Variants in PLXNC1 observed in about 807,000 individuals in gnomAD.
The protein encoded by PLXNC1 is plexin-C1.
A neutral mutation model predicts 178.2 loss-of-function variants in PLXNC1; 75 were observed. That is an observed-to-expected ratio of 0.42 (90% CI 0.35 to 0.51). The LOEUF (loss-of-function observed/expected upper bound fraction) is 0.51, where lower values mean the gene tolerates loss of function less well. Among genes scored for constraint, PLXNC1 ranks in the 20% least tolerant of loss-of-function variants. PLXNC1 has a pLI of 0.02. For missense variants in PLXNC1, 1,503 were observed against 1,984.4 expected (o/e 0.76, Z 4.61); for synonymous variants, 790 against 779.9 (o/e 1.01, Z -0.22).
chr12:94,277,312 G>GTA (rs1454329866), intron 21 of PLXNC1: 1 of 152,864 alleles, frequency 6.5e-6, no homozygotes, highest in Non-Finnish European at 1.5e-5. Flanking sequence ...CCACCTCCAA[G>GTA]TACCATCACC....
At chr12:94,263,678 TAAAG>T (rs1290286237) in intron 20 of PLXNC1, among the ~76,000 whole-genome samples, 2 of 151,890 alleles carry the variant, frequency 1.3e-5, no homozygotes, top group Non-Finnish European at 2.9e-5. Flanking sequence ...AACCACTAAA[TAAAG>T]GAAGTTTCTC....
intron 1 of PLXNC1, among the ~76,000 whole-genome samples, chr12:94,162,051 G>A (rs1239444451): frequency 1.3e-5 from 2 of 152,182 alleles, no homozygotes; most frequent in Non-Finnish European, 2.9e-5. Context: ...GAGATAGTCA[G>A]TCTTATAAAG....
intron 2 of PLXNC1, among the ~76,000 whole-genome samples, chr12:94,177,111 GTA>G (rs1162713981): frequency 0.18 from 23,978 of 134,750 alleles, 2,544 homozygotes; most frequent in East Asian, 0.28. Flanking sequence ...ATGTGTGTGT[GTA>G]TATATGTGTG....
At chr12:94,219,808 TTTATTTATTTA>T (rs1266943155) in intron 5 of PLXNC1, among the ~76,000 whole-genome samples, 197 bp from the exon 6 acceptor site, 1 of 25,614 alleles carries the variant, frequency 3.9e-5, no homozygotes, top group African/African-American at 5.3e-4. Flanking sequence ...TATATTTTTA[TTTATTTATTTA>T]TTTATTTATT....
At chr12:94,248,986 A>G (rs906103132) in intron 14 of PLXNC1, among the ~76,000 whole-genome samples, 1 of 152,188 alleles carries the variant, frequency 6.6e-6, no homozygotes, top group African/African-American at 2.4e-5. Context: ...AGGGAAACAC[A>G]TTAGAAGTCA....
At chr12:94,155,706 A>T (rs1412256193) in intron 1 of PLXNC1, among the ~76,000 whole-genome samples, 1 of 152,232 alleles carries the variant, frequency 6.6e-6, no homozygotes, top group Non-Finnish European at 1.5e-5. Flanking sequence ...TCACTCTTGC[A>T]TATAACAGTT....
At chr12:94,182,228 A>G (rs1003297100) in intron 3 of PLXNC1, among the ~76,000 whole-genome samples, 26 of 152,118 alleles carry the variant, frequency 1.7e-4, no homozygotes, top group Non-Finnish European at 3.5e-4. Context: ...GTACATATAC[A>G]TACACACAAG....
chr12:94,275,591 C>T lies in PLXNC1; in HGVS notation c.3598-3881C>T, dbSNP rs1434582261. ...CTGTTTGGCCGGGCGCGGTGGCTCA[C>T]GCCTGTAATCCCAGCACTTTGGGAG... On this transcript the variant is annotated intron_variant, in intron 21 of 30. Coordinates refer to ENST00000258526, the MANE Select transcript of PLXNC1 (RefSeq NM_005761.3). 2.8e-5 allele frequency among the ~76,000 whole-genome samples: 4 copies of T among 140,968 alleles called. 1 individual carries two copies. Among genetic ancestry groups the T allele is most frequent in the Non-Finnish European group, 4.6e-5 (3 of 64,820 alleles). 92.5% of individuals were successfully genotyped at this position (140,968 alleles called of 152,430 possible). A position where few individuals can be genotyped will look rare whatever the true frequency, so the allele number is the denominator to read the frequency against.
intron 21 of PLXNC1, among the ~76,000 whole-genome samples, chr12:94,265,589 G>A (rs1036989513): frequency 6.6e-6 from 1 of 152,318 alleles, no homozygotes; most frequent in African/African-American, 2.4e-5. Flanking sequence ...GGAAGACAAT[G>A]TGTGAAGATA....
At chr12:94,289,018 T>C (rs180975500) in intron 23 of PLXNC1, among the ~76,000 whole-genome samples, 7 of 152,346 alleles carry the variant, frequency 4.6e-5, no homozygotes, top group Admixed American at 1.3e-4. Context: ...TGGAGCCATA[T>C]GAAATTGTCA....
At chr12:94,274,772 T>C (rs1345043367) in intron 21 of PLXNC1, among the ~76,000 whole-genome samples, 2 of 152,214 alleles carry the variant, frequency 1.3e-5, no homozygotes, top group Non-Finnish European at 1.5e-5. Context: ...AGTACCCGGT[T>C]CTACCATCTT....
chr12:94,190,648 C>T (rs1256600005), intron 4 of PLXNC1, among the ~76,000 whole-genome samples: 1 of 152,226 alleles, frequency 6.6e-6, no homozygotes, highest in Non-Finnish European at 1.5e-5. Flanking sequence ...GCTTAATACC[C>T]TCCCCTGGCT....
intron 14 of PLXNC1, among the ~76,000 whole-genome samples, chr12:94,250,304 A>C (rs1964645456): frequency 6.6e-6 from 1 of 152,186 alleles, no homozygotes; most frequent in Non-Finnish European, 1.5e-5. Flanking sequence ...GGAGGGCGCC[A>C]TGAGCTGACT....
intron 5 of PLXNC1, among the ~76,000 whole-genome samples, chr12:94,212,966 G>A (rs143780870): frequency 3.3e-5 from 5 of 152,242 alleles, no homozygotes; most frequent in East Asian, 3.9e-4. Context: ...TGATCTGCCC[G>A]CCTTGGCCTC....
chr12:94,223,457 C>T (rs1199327024), intron 6 of PLXNC1, among the ~76,000 whole-genome samples: 1 of 152,198 alleles, frequency 6.6e-6, no homozygotes, highest in Non-Finnish European at 1.5e-5. Flanking sequence ...TTCCTGGGTC[C>T]ACCCCAGGCT....
At chr12:94,194,336 A>G (rs976340387) in intron 4 of PLXNC1, among the ~76,000 whole-genome samples, 6 of 152,216 alleles carry the variant, frequency 3.9e-5, no homozygotes, top group African/African-American at 1.4e-4. Flanking sequence ...CACAGATCCA[A>G]ACGATATCAG....
intron 22 of PLXNC1, chr12:94,281,957 C>G (rs1000306949): frequency 3.6e-6 from 1 of 275,154 alleles, no homozygotes; most frequent in Admixed American, 5.1e-5. Context: ...TATCATGCCT[C>G]TCTTTGTGAA....
chr12:94,157,368 C>T (rs1419560282), intron 1 of PLXNC1, among the ~76,000 whole-genome samples: 2 of 152,164 alleles, frequency 1.3e-5, no homozygotes, highest in African/African-American at 2.4e-5. Context: ...CCCAAACATG[C>T]ATTGGCACAC....
chr12:94,266,379 G>T (rs1965244569), intron 21 of PLXNC1, among the ~76,000 whole-genome samples: 1 of 152,192 alleles, frequency 6.6e-6, no homozygotes, highest in Non-Finnish European at 1.5e-5. Flanking sequence ...GTTCTGAATT[G>T]TATCAATACA....
Sources: allele counts gnomAD v4.1 joint callset (sites outside exome capture counted in the v4.1 genomes callset), GRCh38; gene constraint gnomAD v4.1.1; transcripts MANE v1.5; gene names NCBI Gene and HGNC (gene_info 2026-07-23, HGNC 2026-07-21).